The following AHCY variants were observed in gnomAD, a reference collection of about 807,000 sequenced individuals.
AHCY encodes S-adenosyl-L-homocysteine hydrolase.
A neutral mutation model predicts 45.4 loss-of-function variants in AHCY; 24 were observed. The ratio of observed to expected loss-of-function variants is 0.53; its 90% confidence interval spans 0.38 to 0.74. The LOEUF is 0.74. AHCY is among the 30% of genes least tolerant of loss of function. The pLI is 0.00. For synonymous variants in AHCY, 245 were observed against 235.1 expected (o/e 1.04, Z -0.39); for missense variants, 449 against 594.1 (o/e 0.76, Z 2.54).
chr20:34,303,465 C>T (rs143206735), upstream of AHCY: 33 of 779,128 alleles, frequency 4.2e-5, no homozygotes, highest in Non-Finnish European at 6.9e-5. Context: ...ATTTCGATCC[C>T]TGAAAAGAAG....
At chr20:34,279,431 A>G (rs1360800071), downstream of AHCY, among the ~76,000 whole-genome samples, 1 of 151,772 alleles carries the variant, frequency 6.6e-6, no homozygotes, top group Non-Finnish European at 1.5e-5. Flanking sequence ...GAAAAAAAAA[A>G]AAAACAACAA....
chr20:34,269,033 C>A, the AHCY span: 41 of 1,607,478 alleles, frequency 2.6e-5, no homozygotes, highest in East Asian at 8.5e-4. Context: ...CCGGACCCCC[C>A]TATCTGCGCC....
At chr20:34,306,806 A>G (rs1269247055), upstream of AHCY, among the ~76,000 whole-genome samples, 1 of 152,244 alleles carries the variant, frequency 6.6e-6, no homozygotes, top group Non-Finnish European at 1.5e-5. Flanking sequence ...GACAAAAACC[A>G]ATTCCAATAT....
chr20:34,279,551 T>A (rs2035946273), downstream of AHCY, among the ~76,000 whole-genome samples: 1 of 152,188 alleles, frequency 6.6e-6, no homozygotes, highest in African/African-American at 2.4e-5. Context: ...CATTTGGTAC[T>A]AATAATAGTT....
chr20:34,309,853 AGAAG>A (rs1364767938), intron 1 of AHCY, among the ~76,000 whole-genome samples: 1 of 147,708 alleles, frequency 6.8e-6, no homozygotes, highest in Non-Finnish European at 1.5e-5. Flanking sequence ...GGAGCAGGAC[AGAAG>A]GAAGGAGGGA....
At chr20:34,272,262 C>T in the AHCY span, among the ~76,000 whole-genome samples, 2 of 152,308 alleles carry the variant, frequency 1.3e-5, no homozygotes, top group South Asian at 4.1e-4. Context: ...ATTCTCAAAC[C>T]ATGTTTCCCT....
At chr20:34,236,521 GCAA>G in the AHCY span, among the ~76,000 whole-genome samples, 1,593 of 151,810 alleles carry the variant, frequency 0.01, 13 homozygotes, top group Non-Finnish European at 0.018. Flanking sequence ...TCCAGCCTGG[GCAA>G]CAAGAGTGAA....
At position 34,292,453 on chromosome 20, in the gene AHCY, G is replaced by T. The variant is rs1356053927; in HGVS notation, c.350C>A (p.Thr117Asn). Residue 117 changes from threonine (T) to asparagine (N), a missense_variant, in exon 4 of 10, where the codon ACC (threonine) becomes AAC (asparagine). Physicochemically the swap from Thr to Asn is moderately conservative, Grantham distance 65. Coordinates refer to ENST00000217426, the MANE Select transcript of AHCY (RefSeq NM_000687.4). The part of the protein sequence containing the change: ...DEEYLWCIEQ[T>N]LYFKDGPLNM... ...GAGGGGCCCGTCCTTGAAGTACAGG[G>T]TCTGCTCAATGCACCACAGGTACTC... The T allele has an allele frequency of 2.5e-6, 4 of 1,614,016 alleles. No homozygotes were observed. Among genetic ancestry groups the T allele is most frequent in the Non-Finnish European group, 2.5e-6 (3 of 1,180,048 alleles).
At chr20:34,301,858 G>A in intron 1 of AHCY, 6 of 985,450 alleles carry the variant, frequency 6.1e-6, no homozygotes, top group Non-Finnish European at 7.2e-6. Flanking sequence ...CACCTCCCAA[G>A]GGCCTCAGTT....
chr20:34,298,605 C>CGGGGGGGGGGGGGGGGGGGGG (rs1469112892), intron 1 of AHCY, among the ~76,000 whole-genome samples: 1 of 31,264 alleles, frequency 3.2e-5, no homozygotes, highest in Non-Finnish European at 6.7e-5. Flanking sequence ...GTGGCGGCGG[C>CGGGGGGGGGGGGGGGGGGGGG]GGGAGGGGGG....
intron 2 of AHCY, 121 bp downstream of exon 2, chr20:34,295,274 C>G (rs932220158): frequency 3.0e-5 from 36 of 1,202,028 alleles, no homozygotes; most frequent in Non-Finnish European, 8.4e-6. Context: ...GAGGGAGGAA[C>G]CCCTCCAGGC....
At chr20:34,250,348 A>G in the AHCY span, among the ~76,000 whole-genome samples, 3 of 152,218 alleles carry the variant, frequency 2.0e-5, no homozygotes, top group Non-Finnish European at 4.4e-5. Context: ...CAAACAAACA[A>G]AAAATACTAA....
At chr20:34,243,758 T>TAAAA in the AHCY span, among the ~76,000 whole-genome samples, 13 of 134,062 alleles carry the variant, frequency 9.7e-5, no homozygotes, top group African/African-American at 2.9e-4. Flanking sequence ...ATATTGTATT[T>TAAAA]AAAAAAAAAA....
Position 34,298,698 on chromosome 20 carries a change from C to T in AHCY, c.29-3113G>A, listed in dbSNP as rs147072232. ...TAGAGGGCCTGACATCAGCCAGGCT[C>T]GCCCACAGTTATCCAGAGGCCTAAC... On this transcript the variant is annotated intron_variant, in intron 1 of 9. Transcript: ENST00000217426. 3.1e-3 allele frequency among the ~76,000 whole-genome samples: 465 copies of T among 151,896 alleles called. 3 individuals are homozygous for T. The highest frequency in any genetic ancestry group is 0.011 in the African/African-American group (440 of 41,448).
At chr20:34,274,793 T>A in the AHCY span, among the ~76,000 whole-genome samples, 129 of 151,696 alleles carry the variant, frequency 8.5e-4, no homozygotes, top group Middle Eastern at 3.4e-3. Context: ...CAAAAAAAAA[T>A]TTTAAATTAA....
chr20:34,275,585 G>A (rs1002279359), downstream of AHCY, among the ~76,000 whole-genome samples: 1 of 152,134 alleles, frequency 6.6e-6, no homozygotes, highest in Non-Finnish European at 1.5e-5. Context: ...CTAAAAAGGG[G>A]CTAGATCCAG....
At chr20:34,263,676 T>TC in the AHCY span, among the ~76,000 whole-genome samples, 5 of 147,448 alleles carry the variant, frequency 3.4e-5, no homozygotes, top group African/African-American at 1.3e-4. Flanking sequence ...TTTTTTTTTC[T>TC]TTTTTTTTGA....
chr20:34,247,795 C>A, the AHCY span, among the ~76,000 whole-genome samples: 1 of 151,826 alleles, frequency 6.6e-6, no homozygotes, highest in Non-Finnish European at 1.5e-5. Flanking sequence ...TGAGGTCTTG[C>A]CGTGTTGCCC....
the AHCY span, among the ~76,000 whole-genome samples, chr20:34,273,305 T>C: frequency 6.6e-5 from 10 of 152,288 alleles, no homozygotes; most frequent in Non-Finnish European, 1.3e-4. Context: ...CCTCTACCTT[T>C]TTTTTCTCTC....
Sources: allele counts gnomAD v4.1 joint callset (sites outside exome capture counted in the v4.1 genomes callset), GRCh38; gene constraint gnomAD v4.1.1; transcripts MANE v1.5; gene names NCBI Gene and HGNC (gene_info 2026-07-23, HGNC 2026-07-21).